The following PLPP3 variants were observed in gnomAD, a reference collection of about 807,000 sequenced individuals.
PLPP3 encodes phospholipid phosphatase 3, also known as PAP2 beta.
Under a neutral mutation model 29.6 loss-of-function variants are expected in PLPP3, and 6 were observed. The observed-to-expected ratio is 0.20, with a 90% CI of 0.11 to 0.40. PLPP3 has a LOEUF of 0.40. Ranked by LOEUF, PLPP3 falls within the 10% of genes least tolerant of loss-of-function variation. The pLI is 1.00. For synonymous variants in PLPP3, 152 were observed against 159.7 expected, an observed-to-expected ratio of 0.95 and a Z score of 0.36; for missense variants, 308 against 407.7, an observed-to-expected ratio of 0.76 and a Z score of 2.11.
chr1:56,504,832 T>G (rs951889942), intron 5 of PLPP3, among the ~76,000 whole-genome samples: 1 of 152,162 alleles, frequency 6.6e-6, no homozygotes, highest in Non-Finnish European at 1.5e-5. Context: ...TCCTCAGTAG[T>G]GTATCCCATC....
Position 56,540,173 on chromosome 1 carries a change from G to A in PLPP3, c.140-3061C>T, listed in dbSNP as rs188927487. Among the ~76,000 whole-genome samples, 72 of 152,172 alleles carry A rather than the reference G, an allele frequency of 4.7e-4. 3 individuals carry two copies. The East Asian group carries it at 0.014, about 29-fold the overall frequency. Reference sequence around the variant, plus strand: ...ACTCCCTTTCTCATCTGTTTAATGGGAAGAATGAAATCTAACTTTAGGGTG... The same window carrying A: ...ACTCCCTTTCTCATCTGTTTAATGGAAAGAATGAAATCTAACTTTAGGGTG... On this transcript the variant is annotated intron_variant, in intron 1 of 5. Coordinates refer to ENST00000371250, the MANE Select transcript of PLPP3 (RefSeq NM_003713.5).
At position 56,541,049 on chromosome 1, in the gene PLPP3, T is replaced by C. The variant is rs562466705; in HGVS notation, c.140-3937A>G. On this transcript the variant is annotated intron_variant, in intron 1 of 5. Transcript: ENST00000371250. ...CGGAGGAGTTCACAGTGTTGTAAGA[T>C]AGTCAAAAAAGCAAGAACCCTGAAT... Among the ~76,000 whole-genome samples the C allele has an allele frequency of 4.6e-5, 7 of 152,284 alleles. No individual in the cohort carries two copies. The South Asian group carries it at 6.2e-4, about 14-fold the overall frequency.
intron 4 of PLPP3, among the ~76,000 whole-genome samples, chr1:56,521,189 G>A (rs998049227): frequency 4.7e-5 from 7 of 147,586 alleles, no homozygotes; most frequent in African/African-American, 1.7e-4. Flanking sequence ...GAGCCAAGAT[G>A]GTGCCACTGT....
intron 1 of PLPP3, among the ~76,000 whole-genome samples, chr1:56,560,877 G>A (rs572265110): frequency 1.0e-4 from 12 of 118,906 alleles, no homozygotes; most frequent in South Asian, 3.0e-4. Flanking sequence ...CTCCTCTGTC[G>A]CCCAGGCTGG....
rs1002779920 is a variant in PLPP3 at position 56,512,074 on chromosome 1, C to A, written c.712G>T (p.Ala238Ser). Reference sequence around the variant, plus strand: ...ACGCGAGACAGTCCCGTGTAGAAGGCCATCATGATCAAGGTGAACTGCAGG... The same window carrying A: ...ACGCGAGACAGTCCCGTGTAGAAGGACATCATGATCAAGGTGAACTGCAGG... ...PLLQFTLIMM[A>S]FYTGLSRVSD... The change falls in exon 5 of 6, where the codon GCC (alanine) becomes TCC (serine). Residue 238 changes from alanine to serine, a missense_variant. By Grantham distance (99) the Ala-to-Ser change is moderately conservative (BLOSUM62 1). Transcript: ENST00000371250. The A allele has an allele frequency of 6.2e-7, 1 of 1,613,266 alleles. No individual in the cohort carries two copies. The highest frequency in any genetic ancestry group is 1.3e-5 in the African/African-American group (1 of 74,902).
intron 5 of PLPP3, 141 bp from the exon 6 acceptor site, chr1:56,496,817 GATCATATC>G: frequency 1.2e-6 from 1 of 808,284 alleles, no homozygotes; most frequent in Non-Finnish European, 1.9e-6. Context: ...GGACAACAGA[GATCATATC>G]ATCAAGGTTT....
At position 56,565,012 on chromosome 1, in the gene PLPP3, A is replaced by G. The variant is rs572521151; in HGVS notation, c.139+13866T>C. 3.3e-5 allele frequency among the ~76,000 whole-genome samples: 5 copies of G among 152,370 alleles called. No individual in the cohort carries two copies. The South Asian group carries it at 6.2e-4, about 19-fold the overall frequency. ...TCTAATGAAAACATCCATTAAGGCT[A>G]AGATGACAGCAAGACAAATGTAACA... On this transcript the variant is annotated intron_variant, in intron 1 of 5. Transcript: ENST00000371250.
Position 56,524,068 on chromosome 1 carries a change from C to A in PLPP3, c.576-188G>T, listed in dbSNP as rs1645836638. On this transcript the variant is annotated intron_variant, in intron 3 of 5. Coordinates refer to ENST00000371250, the MANE Select transcript of PLPP3 (RefSeq NM_003713.5). The surrounding 1 kb of genome is among the most constrained non-coding windows in gnomAD (Gnocchi z 4.3). ...AGGCACCTATGAATTCATGAATAAA[C>A]AAAAGAATGAATGAATGAATGTACC... 1.3e-5 allele frequency among the ~76,000 whole-genome samples: 2 copies of A among 152,162 alleles called. No homozygotes were observed. The highest frequency in any genetic ancestry group is 1.3e-4 in the Admixed American group (2 of 15,280).
At position 56,524,029 on chromosome 1, in the gene PLPP3, G is replaced by T. The variant is rs750097724; in HGVS notation, c.576-149C>A. The T allele has an allele frequency of 3.1e-6, 3 of 978,718 alleles. No individual in the cohort carries two copies. Among genetic ancestry groups the T allele is most frequent in the African/African-American group, 1.6e-5 (1 of 60,652 alleles). The allele number at this position is 978,718 out of a possible 1,614,324, so 60.6% of individuals were successfully genotyped here. On this transcript the variant is annotated intron_variant, in intron 3 of 5. Coordinates refer to ENST00000371250, the MANE Select transcript of PLPP3 (RefSeq NM_003713.5). The surrounding 1 kb of genome is among the most constrained non-coding windows in gnomAD (Gnocchi z 4.3). ...ATCCTTGGTAGTGCTTTGGACCCATGCCTGGAACATAGCAGGCACCTATGA... is the reference window on the plus strand; with the variant it reads ...ATCCTTGGTAGTGCTTTGGACCCATTCCTGGAACATAGCAGGCACCTATGA...
rs537376121 is a variant in PLPP3 at position 56,570,382 on chromosome 1, T to C, written c.139+8496A>G. On this transcript the variant is annotated intron_variant, in intron 1 of 5. Transcript: ENST00000371250. ...TTCTCTGCAAAACTCTTTAGGCATA[T>C]AATTTTGTTAATTTGTGACAAACCT... Among the ~76,000 whole-genome samples the C allele has an allele frequency of 3.3e-5, 5 of 152,362 alleles. No homozygotes were observed. In the South Asian group the frequency reaches 8.3e-4, roughly 25 times the overall value.
chr1:56,539,717 G>A (rs1302907599), intron 1 of PLPP3, among the ~76,000 whole-genome samples: 1 of 152,112 alleles, frequency 6.6e-6, no homozygotes, highest in Non-Finnish European at 1.5e-5. Context: ...TGATCTTTAG[G>A]GGTTAGGAGC....
chr1:56,574,015 C>T (rs1646218221), intron 1 of PLPP3, among the ~76,000 whole-genome samples: 1 of 152,070 alleles, frequency 6.6e-6, no homozygotes, highest in South Asian at 2.1e-4. Context: ...TCTTGGCTAA[C>T]ATGGTGAAAC....
intron 1 of PLPP3, among the ~76,000 whole-genome samples, chr1:56,556,940 G>C (rs1370406331): frequency 2.1e-4 from 25 of 121,182 alleles, no homozygotes; most frequent in African/African-American, 7.5e-4. Context: ...GAGAGAGAGA[G>C]AGAGAGACAG....
At chr1:56,504,036 C>T (rs1381834965) in intron 5 of PLPP3, among the ~76,000 whole-genome samples, 5 of 152,034 alleles carry the variant, frequency 3.3e-5, no homozygotes, top group Non-Finnish European at 7.4e-5. Flanking sequence ...CCTCCTAAAG[C>T]GCTGGGATTA....
At chr1:56,533,414 C>T (rs1184586521) in intron 2 of PLPP3, among the ~76,000 whole-genome samples, 1 of 152,136 alleles carries the variant, frequency 6.6e-6, no homozygotes, top group East Asian at 1.9e-4. Context: ...AGGTTCACTA[C>T]TGTGTGGTGA....
chr1:56,557,012 G>GGAAAGAAAGAAAGAA (rs1557513521), intron 1 of PLPP3, among the ~76,000 whole-genome samples: 1 of 9,106 alleles, frequency 1.1e-4, no homozygotes, highest in Non-Finnish European at 2.7e-4. Context: ...GAAAGAAAGA[G>GGAAAGAAAGAAAGAA]AGAGAGAGAG....
chr1:56,577,112 A>G (rs1361934737), intron 1 of PLPP3, among the ~76,000 whole-genome samples: 3 of 152,184 alleles, frequency 2.0e-5, no homozygotes, highest in African/African-American at 7.2e-5. Context: ...CCTGCCACCA[A>G]CAAAACACAC....
rs537494271 is a variant in PLPP3, at chr1:56,579,130, C to G, written c.-114G>C. 7.1e-7 allele frequency: 1 copy of G among 1,416,312 alleles called. No homozygotes were observed. Among genetic ancestry groups the G allele is most frequent in the Non-Finnish European group, 9.3e-7 (1 of 1,075,836 alleles). 87.7% of individuals were successfully genotyped at this position (1,416,312 alleles called of 1,614,324 possible). A position where few individuals can be genotyped will look rare whatever the true frequency, so the allele number is the denominator to read the frequency against. On this transcript the variant is annotated 5_prime_UTR_variant, in exon 1 of 6. Transcript: ENST00000371250. ...GAGGCTGCTGCGGATAGTGGCGGGT[C>G]GGCCCCGGCTCCGGGCGCGGCGGCT...
intron 5 of PLPP3, 134 bp downstream of exon 5, chr1:56,511,842 A>G: frequency 2.9e-6 from 3 of 1,045,158 alleles, no homozygotes; most frequent in Non-Finnish European, 4.3e-6. Context: ...CTAAGGCCTA[A>G]GGCCAGGTGA....
Sources: allele counts gnomAD v4.1 joint callset (sites outside exome capture counted in the v4.1 genomes callset), GRCh38; gene constraint gnomAD v4.1.1; non-coding constraint Gnocchi (gnomAD v3.1); transcripts MANE v1.5; gene names NCBI Gene and HGNC (gene_info 2026-07-23, HGNC 2026-07-21).